Variants in LPXN observed in about 807,000 individuals in gnomAD.
LPXN encodes the protein leupaxin.
In LPXN, 28 loss-of-function variants were observed where a neutral mutation model predicts 45.6. The observed-to-expected ratio is 0.61, with a 90% confidence interval of 0.45 to 0.84. The LOEUF is 0.84. LPXN is among the 40% of genes least tolerant of loss of function. LPXN has a pLI of 0.00. For synonymous variants in LPXN, 166 were observed against 169.9 expected (o/e 0.98, Z 0.18); for missense variants, 459 against 475.0 (o/e 0.97, Z 0.31).
chr11:58,529,765 G>A (rs989101328), intron 7 of LPXN, among the ~76,000 whole-genome samples: 5 of 152,190 alleles, frequency 3.3e-5, no homozygotes, highest in African/African-American at 1.2e-4. Flanking sequence ...AATAGGAACA[G>A]CTCAGGTCTG....
chr11:58,535,146 GGGAATCCTCCCTAACTC>G (rs1853512026), intron 7 of LPXN, among the ~76,000 whole-genome samples: 1 of 152,136 alleles, frequency 6.6e-6, no homozygotes, highest in Admixed American at 6.5e-5. Flanking sequence ...TAGAAAAAGG[GGGAATCCTCCCTAACTC>G]ATTTTTATGA....
At chr11:58,557,484 G>A (rs1282758720) in intron 3 of LPXN, among the ~76,000 whole-genome samples, 2 of 152,188 alleles carry the variant, frequency 1.3e-5, no homozygotes, top group Admixed American at 6.5e-5. Context: ...TCACTTATAG[G>A]TGGAATCCTC....
chr11:58,549,287 G>C (rs918344767), intron 7 of LPXN, among the ~76,000 whole-genome samples: 1 of 152,090 alleles, frequency 6.6e-6, no homozygotes. Context: ...CCAGCTACTT[G>C]GGAGGCTGAG....
intron 7 of LPXN, among the ~76,000 whole-genome samples, chr11:58,538,043 A>G (rs1218960773): frequency 6.6e-6 from 1 of 150,524 alleles, no homozygotes; most frequent in Non-Finnish European, 1.5e-5. Context: ...TGTCCTTGCG[A>G]TAGTTTACTG....
intron 7 of LPXN, among the ~76,000 whole-genome samples, chr11:58,544,405 G>A (rs942870607): frequency 3.9e-5 from 6 of 152,172 alleles, no homozygotes; most frequent in African/African-American, 1.2e-4. Context: ...TGCTGATGCT[G>A]CATAAAGCAA....
intron 2 of LPXN, 50 bp from the exon 3 acceptor site, chr11:58,564,251 C>T (rs370746291): frequency 2.2e-5 from 29 of 1,331,646 alleles, no homozygotes; most frequent in Admixed American, 1.3e-4. Flanking sequence ...TTTTTGTTAT[C>T]AGAATGTTGA....
intron 3 of LPXN, among the ~76,000 whole-genome samples, chr11:58,560,999 A>AAGG (rs1854356831): frequency 6.6e-6 from 1 of 152,182 alleles, no homozygotes. Context: ...AAATTTTAAG[A>AAGG]AGGGAAATCA....
chr11:58,555,092 A>G (rs1294314842), intron 3 of LPXN, 152 bp from the exon 4 acceptor site: 3 of 573,486 alleles, frequency 5.2e-6, no homozygotes, highest in Non-Finnish European at 9.2e-6. Flanking sequence ...ATATATTAAT[A>G]TGTACTAGAC....
rs992032200 is a variant in LPXN, at chr11:58,528,086, G to A, written c.848C>T (p.Ser283Leu). The change falls in exon 8 of 9, where the codon TCA becomes TTA. Residue 283 changes from serine (S) to leucine (L), a missense_variant. Ser to Leu is a moderately radical substitution (Grantham distance 145, BLOSUM62 -2). Transcript: ENST00000395074. Reference protein sequence around the residue: ...CNRPVLENYLSAMDTVWHPEC... With the variant: ...CNRPVLENYLLAMDTVWHPEC... ...TGGGTGCCAGACAGTGTCCATGGCT[G>A]AAAGGTAGTTTTCCAACACTGGGCG... 6.2e-7 allele frequency: 1 copy of A among 1,614,104 alleles called. No homozygotes were observed. The highest frequency in any genetic ancestry group is 1.3e-5 in the African/African-American group (1 of 74,940).
intron 7 of LPXN, among the ~76,000 whole-genome samples, chr11:58,536,532 G>A (rs555161759): frequency 2.0e-5 from 3 of 152,226 alleles, no homozygotes; most frequent in South Asian, 2.1e-4. Flanking sequence ...AGATTTAAAC[G>A]TAAGACCTAA....
chr11:58,528,483 T>TC (rs1336583283), intron 7 of LPXN, among the ~76,000 whole-genome samples: 1 of 152,248 alleles, frequency 6.6e-6, no homozygotes, highest in African/African-American at 2.4e-5. Flanking sequence ...GAGCCTGATA[T>TC]AGTTGTCCTC....
intron 7 of LPXN, among the ~76,000 whole-genome samples, chr11:58,542,394 A>G (rs1003869811): frequency 1.3e-5 from 2 of 151,946 alleles, no homozygotes; most frequent in Admixed American, 1.3e-4. Flanking sequence ...TATTCCTGGT[A>G]ATAATATTAA....
intron 3 of LPXN, among the ~76,000 whole-genome samples, chr11:58,559,465 T>G (rs1196602912): frequency 6.6e-6 from 1 of 152,162 alleles, no homozygotes; most frequent in Non-Finnish European, 1.5e-5. Flanking sequence ...TAAATAATGG[T>G]TCATCCATGC....
At position 58,527,152 on chromosome 11, in the gene LPXN, A is replaced by G. The variant is rs1219170601; in HGVS notation, c.*302T>C. ...CCTAAGAAAACCAGTGTTGGCATGA[A>G]TTATGCAAGTGGAAAATACATCTGT... On this transcript the variant is annotated 3_prime_UTR_variant, in exon 9 of 9. Coordinates refer to ENST00000395074, the MANE Select transcript of LPXN (RefSeq NM_004811.3). 1.1e-5 allele frequency: 3 copies of G among 277,194 alleles called. No individual in the cohort carries two copies. The highest frequency in any genetic ancestry group is 2.1e-5 in the Non-Finnish European group (3 of 143,862). The allele number at this position is 277,194 out of a possible 1,614,324, so 17.2% of individuals were successfully genotyped here. A position where few individuals can be genotyped will look rare whatever the true frequency, so the allele number is the denominator to read the frequency against.
chr11:58,559,018 A>G (rs1437409083), intron 3 of LPXN, among the ~76,000 whole-genome samples: 1 of 151,904 alleles, frequency 6.6e-6, no homozygotes, highest in Non-Finnish European at 1.5e-5. Flanking sequence ...TTAGAAAAAT[A>G]GAAACCTGAG....
intron 2 of LPXN, among the ~76,000 whole-genome samples, chr11:58,568,602 C>CAAA (rs34133979): frequency 3.8e-5 from 5 of 132,128 alleles, no homozygotes; most frequent in Non-Finnish European, 8.3e-5. Flanking sequence ...GACTCCATCT[C>CAAA]AAAAAAAAAA....
At chr11:58,527,764 A>T in intron 8 of LPXN, 41 bp from the exon 9 acceptor site, 1 of 1,586,208 alleles carries the variant, frequency 6.3e-7, no homozygotes, top group South Asian at 1.1e-5. Context: ...TGCAAATGTC[A>T]AGAGGTAAAA....
At chr11:58,557,781 A>G (rs552246035) in intron 3 of LPXN, among the ~76,000 whole-genome samples, 1 of 152,348 alleles carries the variant, frequency 6.6e-6, no homozygotes, top group South Asian at 2.1e-4. Context: ...CACTATAGTA[A>G]CCATTTTACT....
At chr11:58,532,057 C>T (rs142575134) in intron 7 of LPXN, among the ~76,000 whole-genome samples, 2,199 of 152,368 alleles carry the variant, frequency 0.014, 26 homozygotes, top group Non-Finnish European at 0.021. Flanking sequence ...CGGCCAGCAC[C>T]GCCAGCCCCA....
Sources: gnomAD v4.1 joint callset for allele counts (sites outside exome capture counted in the v4.1 genomes callset) on GRCh38, gnomAD v4.1.1 for gene constraint, MANE v1.5 for transcripts, NCBI Gene and HGNC (gene_info 2026-07-23, HGNC 2026-07-21) for gene names.